HCN2: variants seen among roughly 807,000 people sequenced by gnomAD.
The protein encoded by HCN2 is hyperpolarization activated cyclic nucleotide gated potassium and sodium channel 2, also known as potassium/sodium hyperpolarization-activated cyclic nucleotide-gated channel 2.
In HCN2, 20 loss-of-function variants were observed where a neutral mutation model predicts 52.3. The observed-to-expected ratio is 0.38, with a 90% CI of 0.27 to 0.56. HCN2 has a LOEUF of 0.56. Among genes scored for constraint, HCN2 ranks in the 20% least tolerant of loss-of-function variants. HCN2 has a pLI of 0.71. For missense variants in HCN2, 981 were observed against 1,207.7 expected (o/e 0.81, Z 2.78); for synonymous variants, 694 against 537.0 (o/e 1.29, Z -4.04).
At chr19:608,227 G>A (rs746975104) in intron 4 of HCN2, 45 bp downstream of exon 4, 15 of 1,559,374 alleles carry the variant, frequency 9.6e-6, no homozygotes, top group East Asian at 2.2e-5. Context: ...TGGGGGAGGC[G>A]GGCCTGGATC....
chr19:607,629 G>T (rs1405837678), intron 3 of HCN2, among the ~76,000 whole-genome samples: 1 of 152,202 alleles, frequency 6.6e-6, no homozygotes, highest in Non-Finnish European at 1.5e-5. Context: ...CTCTGGCCCA[G>T]ATGCTCCCTG....
intron 5 of HCN2, among the ~76,000 whole-genome samples, chr19:612,854 TTTC>T (rs199914059): frequency 0.18 from 26,339 of 144,510 alleles, 2,488 homozygotes; most frequent in Non-Finnish European, 0.22. Flanking sequence ...GTTTTTTTTT[TTTC>T]CGGTAGAGAC....
At chr19:615,305 T>C (rs1035526003) in intron 7 of HCN2, among the ~76,000 whole-genome samples, 8 of 151,770 alleles carry the variant, frequency 5.3e-5, no homozygotes, top group South Asian at 2.1e-4. Flanking sequence ...GTCAGGAGAT[T>C]GAGACCATCC....
chr19:608,367 T>C (rs2144523049), intron 4 of HCN2, among the ~76,000 whole-genome samples, 185 bp downstream of exon 4: 1 of 126,550 alleles, frequency 7.9e-6, no homozygotes, highest in Non-Finnish European at 1.8e-5. Context: ...TGTCCCGGGG[T>C]CTGAGGGGAG....
chr19:593,019 G>C (rs1163364448), intron 1 of HCN2, among the ~76,000 whole-genome samples: 4 of 152,110 alleles, frequency 2.6e-5, no homozygotes, highest in Non-Finnish European at 4.4e-5. Flanking sequence ...CAGTGTCTCA[G>C]CCTCACGTCT....
chr19:611,548 C>T (rs920498958), intron 5 of HCN2, among the ~76,000 whole-genome samples: 1 of 152,240 alleles, frequency 6.6e-6, no homozygotes, highest in African/African-American at 2.4e-5. Context: ...ACACCCGTTG[C>T]TCCCAGGAGG....
In HCN2 at chr19:604,977, G is replaced by A. The variant is rs545429304; in HGVS notation, c.1057-84G>A. 353 of 1,409,408 alleles carry A rather than the reference G, an allele frequency of 2.5e-4. 3 individuals are homozygous for A. In the South Asian group the frequency reaches 3.2e-3, roughly 13 times the overall value. 87.3% of individuals were successfully genotyped at this position (1,409,408 alleles called of 1,614,324 possible). On this transcript the variant is annotated intron_variant, in intron 2 of 7. Transcript: ENST00000251287. ...TTGGGGGAGGGGGCCAGGAGCTCCC[G>A]CAGTGGGGGCGCACGGGGCTGGGGC...
chr19:604,783 C>T (rs1343249395), intron 2 of HCN2, among the ~76,000 whole-genome samples: 2 of 65,428 alleles, frequency 3.1e-5, no homozygotes, highest in African/African-American at 1.8e-4. Context: ...GGGTGGGGAG[C>T]TGTGGATTTG....
chr19:603,503 G>C, intron 1 of HCN2, 41 bp from the exon 2 acceptor site: 1 of 1,532,630 alleles, frequency 6.5e-7, no homozygotes, highest in Non-Finnish European at 8.9e-7. Context: ...CAGGTGCCCC[G>C]GGGAGGCACC....
rs117367944 is a variant in HCN2, at chr19:592,106, C to A, written c.632+1529C>A. On this transcript the variant is annotated intron_variant, in intron 1 of 7. Coordinates refer to ENST00000251287, the MANE Select transcript of HCN2 (RefSeq NM_001194.4). This position sits in a 1 kb window ranked among gnomAD's most constrained non-coding sequence, Gnocchi z 4.8. Reference sequence around the variant, plus strand: ...TGGCCTGCGAAATGTGGACAGTGAGCGGGAAGGACTGGACTTCCAGGGCTG... The same window carrying A: ...TGGCCTGCGAAATGTGGACAGTGAGAGGGAAGGACTGGACTTCCAGGGCTG... Among the ~76,000 whole-genome samples, 1 of 152,146 alleles carries A rather than the reference C, an allele frequency of 6.6e-6. No individual in the cohort carries two copies. Among genetic ancestry groups the A allele is most frequent in the Non-Finnish European group, 1.5e-5 (1 of 68,008 alleles).
chr19:597,775 TTGGTGGTTTCTAGGCCCTCC>T (rs1237655124), intron 1 of HCN2, among the ~76,000 whole-genome samples: 68 of 150,652 alleles, frequency 4.5e-4, no homozygotes, highest in African/African-American at 1.5e-3. Context: ...TAGGTCCCCC[TTGGTGGTTTCTAGGCCCTCC>T]TGGTGGTTTC....
intron 3 of HCN2, 43 bp from the exon 4 acceptor site, chr19:607,921 C>A: frequency 6.6e-7 from 1 of 1,506,728 alleles, no homozygotes; most frequent in Non-Finnish European, 9.1e-7. Flanking sequence ...GCTCCTGGGG[C>A]GTGAGCACCT....
rs1983991017 is a variant in HCN2, at chr19:617,019, GGC to G, written c.*549_*550del. 2.0e-6 allele frequency: 1 copy of G among 508,990 alleles called. No homozygotes were observed. The highest frequency in any genetic ancestry group is 1.9e-5 in the African/African-American group (1 of 51,896). 31.5% of individuals were successfully genotyped at this position (508,990 alleles called of 1,614,324 possible). A position where few individuals can be genotyped will look rare whatever the true frequency, so the allele number is the denominator to read the frequency against. On this transcript the variant is annotated 3_prime_UTR_variant, in exon 8 of 8. Coordinates refer to ENST00000251287, the MANE Select transcript of HCN2 (RefSeq NM_001194.4). ...CCGAGAGGCAGGCCTGGCTGCGCAG[GGC>G]GCGGGGGGGAGGCTGGGGTCCCGCC...
rs550827450 is a variant in HCN2, at chr19:616,667, C to T, written c.*193C>T. 5.8e-5 allele frequency: 14 copies of T among 242,594 alleles called. No individual in the cohort carries two copies. Among genetic ancestry groups the T allele is most frequent in the Admixed American group, 1.2e-4 (2 of 17,254 alleles). The allele number at this position is 242,594 out of a possible 1,614,324, so 15.0% of individuals were successfully genotyped here. A position where few individuals can be genotyped will look rare whatever the true frequency, so the allele number is the denominator to read the frequency against. ...CGCGCCCCCGGCCGTCCCCCCTCAT[C>T]GCCCCGCGCCCACCCCCATCGCCCC... On this transcript the variant is annotated 3_prime_UTR_variant, in exon 8 of 8. Coordinates refer to ENST00000251287, the MANE Select transcript of HCN2 (RefSeq NM_001194.4).
chr19:610,141 G>A (rs538582667), intron 4 of HCN2, 118 bp from the exon 5 acceptor site: 118 of 1,249,036 alleles, frequency 9.4e-5, no homozygotes, highest in Non-Finnish European at 1.2e-4. Flanking sequence ...CCGTGTGCCC[G>A]CTGCAGGCTG....
At chr19:605,021 G>A in intron 2 of HCN2, 40 bp from the exon 3 acceptor site, 2 of 1,593,470 alleles carry the variant, frequency 1.3e-6, no homozygotes, top group Non-Finnish European at 8.6e-7. Context: ...TGGGGGCCGG[G>A]GGTCAGCGGG....
At position 590,205 on chromosome 19, in the gene HCN2, C is replaced by T. The variant is rs1600512594; in HGVS notation, c.260C>T (p.Thr87Ile). 1 of 983,956 alleles carries T rather than the reference C, an allele frequency of 1.0e-6. No homozygotes were observed. The allele number at this position is 983,956 out of a possible 1,614,324, so 61.0% of individuals were successfully genotyped here. A position where few individuals can be genotyped will look rare whatever the true frequency, so the allele number is the denominator to read the frequency against. The change falls in exon 1 of 8, where the codon ACC becomes ATC. Residue 87 changes from threonine (T) to isoleucine (I), a missense_variant. Physicochemically the swap from Thr to Ile is moderately conservative, Grantham distance 89. Coordinates refer to ENST00000251287, the MANE Select transcript of HCN2 (RefSeq NM_001194.4). The surrounding 1 kb of genome is among the most constrained non-coding windows in gnomAD (Gnocchi z 7.2). ...GACAGCTCGTGCGGCCGCCCCGGCACCCCGGGCGCGGCGAGCACGGCCAAG... is the reference window on the plus strand; with the variant it reads ...GACAGCTCGTGCGGCCGCCCCGGCATCCCGGGCGCGGCGAGCACGGCCAAG... ...SRDSSCGRPG[T>I]PGAASTAKGS...
chr19:590,533 C>A lies in HCN2; in HGVS notation c.588C>A (p.Val196=). The A allele has an allele frequency of 6.6e-7, 1 of 1,511,082 alleles. No individual in the cohort carries two copies. Among genetic ancestry groups the A allele is most frequent in the Non-Finnish European group, 8.9e-7 (1 of 1,123,022 alleles). The allele number at this position is 1,511,082 out of a possible 1,614,324, so 93.6% of individuals were successfully genotyped here. Residue 196 remains valine (V), a synonymous_variant, in exon 1 of 8, where the codon GTC becomes GTA. Transcript: ENST00000251287. This position sits in a 1 kb window ranked among gnomAD's most constrained non-coding sequence, Gnocchi z 7.2. Reference sequence around the variant, plus strand: ...CCGTGGAGCGCGAGCAGGAGCGCGTCAAGTCGGCGGGGGCCTGGATCATCC... The same window carrying A: ...CCGTGGAGCGCGAGCAGGAGCGCGTAAAGTCGGCGGGGGCCTGGATCATCC... ...QKAVEREQER[V]KSAGAWIIHP... is the part of the protein sequence containing the mutation.
At chr19:606,687 T>C (rs1015292731) in intron 3 of HCN2, among the ~76,000 whole-genome samples, 4 of 150,418 alleles carry the variant, frequency 2.7e-5, no homozygotes, top group Non-Finnish European at 4.4e-5. Flanking sequence ...ACCCCGTCTC[T>C]ACTAAAAATA....
Sources: gnomAD v4.1 joint callset for allele counts (sites outside exome capture counted in the v4.1 genomes callset) on GRCh38, gnomAD v4.1.1 for gene constraint, Gnocchi (gnomAD v3.1) non-coding constraint, MANE v1.5 for transcripts, NCBI Gene and HGNC (gene_info 2026-07-23, HGNC 2026-07-21) for gene names.